The following NTM variants were observed in gnomAD, a reference collection of about 807,000 sequenced individuals.
NTM encodes IgLON family member 2.
In NTM, 13 loss-of-function variants were observed where a neutral mutation model predicts 42.1. That is an observed-to-expected ratio of 0.31 (90% confidence interval 0.20 to 0.49). NTM has a LOEUF of 0.49. NTM is among the 20% of genes least tolerant of loss of function. The pLI, the probability that NTM is intolerant of heterozygous loss-of-function variation, is 0.99. For synonymous variants in NTM, 187 were observed against 179.2 expected, an observed-to-expected ratio of 1.04 and a Z score of -0.35; for missense variants, 373 against 452.8, an observed-to-expected ratio of 0.82 and a Z score of 1.60.
chr11:131,714,642 G>C (rs2077503521), intron 1 of NTM, among the ~76,000 whole-genome samples: 1 of 152,178 alleles, frequency 6.6e-6, no homozygotes, highest in South Asian at 2.1e-4. Context: ...CCTTGCTCAT[G>C]TCTGACTAAC....
intron 1 of NTM, among the ~76,000 whole-genome samples, chr11:131,371,669 A>G (rs921273638): frequency 6.6e-5 from 10 of 152,062 alleles, no homozygotes; most frequent in Non-Finnish European, 1.5e-4. Context: ...TGCATTTGGA[A>G]TCGGCCTCCA....
Position 131,399,993 on chromosome 11 carries a change from T to C in NTM, c.82+29105T>C, listed in dbSNP as rs373277113. Among the ~76,000 whole-genome samples, 15 of 152,250 alleles carry C rather than the reference T, an allele frequency of 9.9e-5. No homozygotes were observed. In the East Asian group the frequency reaches 1.9e-3, roughly 20 times the overall value. On this transcript the variant is annotated intron_variant, in intron 1 of 8. Coordinates refer to ENST00000683400, the MANE Select transcript of NTM (RefSeq NM_001352005.2). ...CCTATTTTGATGTATGAAAATATCA[T>C]TTTCATGAGATTCATCCTAATTTAT... is the stretch of plus-strand genomic sequence containing the variant.
At chr11:132,126,771 C>G (rs955913026) in intron 2 of NTM, among the ~76,000 whole-genome samples, 4 of 152,122 alleles carry the variant, frequency 2.6e-5, no homozygotes, top group Non-Finnish European at 1.5e-5. Context: ...CAGAACGTGC[C>G]TTTTTCCGAT....
At chr11:132,024,715 G>A (rs751247898) in intron 2 of NTM, among the ~76,000 whole-genome samples, 3 of 152,106 alleles carry the variant, frequency 2.0e-5, no homozygotes, top group East Asian at 1.9e-4. Context: ...GGTATATTCC[G>A]GACTTTCCCT....
chr11:132,033,206 C>T (rs547185578), intron 2 of NTM, among the ~76,000 whole-genome samples: 72 of 152,222 alleles, frequency 4.7e-4, no homozygotes, highest in African/African-American at 1.5e-3. Flanking sequence ...ACAACTCCTC[C>T]GAAAGAGAAA....
At chr11:132,137,107 G>C (rs895720376) in intron 2 of NTM, among the ~76,000 whole-genome samples, 1 of 152,208 alleles carries the variant, frequency 6.6e-6, no homozygotes, top group Non-Finnish European at 1.5e-5. Flanking sequence ...GTAACAATCA[G>C]TTTAATCAGT....
chr11:131,635,643 C>CT (rs531123133), intron 1 of NTM, among the ~76,000 whole-genome samples: 2 of 151,884 alleles, frequency 1.3e-5, no homozygotes, highest in South Asian at 2.1e-4. Context: ...TGAATAAAGA[C>CT]TTTTTTATTA....
At chr11:131,721,115 A>G (rs2078275413) in intron 1 of NTM, among the ~76,000 whole-genome samples, 1 of 149,418 alleles carries the variant, frequency 6.7e-6, no homozygotes, top group African/African-American at 2.5e-5. Flanking sequence ...TAAATACTTA[A>G]TATTATCTCT....
chr11:131,700,127 T>G (rs1430318910), intron 1 of NTM, among the ~76,000 whole-genome samples: 5 of 152,146 alleles, frequency 3.3e-5, no homozygotes, highest in Non-Finnish European at 5.9e-5. Context: ...GCAGAGCATT[T>G]TGGGTTCCTT....
At chr11:131,530,220 T>C (rs1187790941) in intron 1 of NTM, among the ~76,000 whole-genome samples, 1 of 152,174 alleles carries the variant, frequency 6.6e-6, no homozygotes, top group African/African-American at 2.4e-5. Context: ...TTAGTAGGTA[T>C]TTAATAAATA....
chr11:131,744,855 G>A (rs762947256), intron 1 of NTM, among the ~76,000 whole-genome samples: 6 of 152,208 alleles, frequency 3.9e-5, no homozygotes, highest in South Asian at 2.1e-4. Flanking sequence ...CCACCACACC[G>A]GTGTGTCAGT....
At chr11:131,660,525 G>A (rs560199078) in intron 1 of NTM, 7 of 457,482 alleles carry the variant, frequency 1.5e-5, no homozygotes, top group Non-Finnish European at 2.6e-5. Flanking sequence ...CACTGACCCT[G>A]GGTCCCATCT....
At chr11:131,966,027 GA>G (rs2062794871) in intron 2 of NTM, among the ~76,000 whole-genome samples, 1 of 152,048 alleles carries the variant, frequency 6.6e-6, no homozygotes, top group South Asian at 2.1e-4. Flanking sequence ...GCTGAATCCA[GA>G]AAAACAAATT....
chr11:132,179,198 A>T (rs777521109), intron 3 of NTM, among the ~76,000 whole-genome samples: 1 of 152,214 alleles, frequency 6.6e-6, no homozygotes, highest in Non-Finnish European at 1.5e-5. Flanking sequence ...ACCAAACCGG[A>T]TCAAGGTGGA....
chr11:131,557,987 G>A (rs964870129), intron 1 of NTM, among the ~76,000 whole-genome samples: 3 of 152,162 alleles, frequency 2.0e-5, no homozygotes, highest in African/African-American at 4.8e-5. Flanking sequence ...CCAATGAAAT[G>A]TTGTCCCCTA....
chr11:131,460,801 G>T lies in NTM; in HGVS notation c.82+89913G>T, dbSNP rs796392420. 3.3e-5 allele frequency among the ~76,000 whole-genome samples: 5 copies of T among 152,284 alleles called. No individual in the cohort carries two copies. The South Asian group carries it at 1.0e-3, about 32-fold the overall frequency. On this transcript the variant is annotated intron_variant, in intron 1 of 8. Transcript: ENST00000683400. ...ACTCCTGACCTCAAATGATCCGCCC[G>T]CTTGGGCCTCCCAAAGTGCTGGAAT... is the stretch of plus-strand genomic sequence containing the variant.
At chr11:131,818,381 C>A (rs1565589819) in intron 1 of NTM, among the ~76,000 whole-genome samples, 2 of 152,114 alleles carry the variant, frequency 1.3e-5, no homozygotes, top group East Asian at 3.9e-4. Context: ...AAAATCTCAA[C>A]AGGTGCAAAC....
At chr11:131,743,586 C>A (rs918631097) in intron 1 of NTM, among the ~76,000 whole-genome samples, 13 of 152,172 alleles carry the variant, frequency 8.5e-5, no homozygotes, top group African/African-American at 2.9e-4. Context: ...GGAGTTCCTA[C>A]TAAGTGGTCG....
intron 2 of NTM, among the ~76,000 whole-genome samples, chr11:131,992,099 C>T (rs561927199): frequency 2.5e-4 from 38 of 152,136 alleles, no homozygotes; most frequent in Non-Finnish European, 5.1e-4. Flanking sequence ...TTTTCTTCCA[C>T]CTCTGTCACC....
Sources: gnomAD v4.1 joint callset for allele counts (sites outside exome capture counted in the v4.1 genomes callset) on GRCh38, gnomAD v4.1.1 for gene constraint, MANE v1.5 for transcripts, NCBI Gene and HGNC (gene_info 2026-07-23, HGNC 2026-07-21) for gene names.